FBXL17: variants seen among roughly 807,000 people sequenced by gnomAD.
FBXL17 encodes F-box/LRR-repeat protein 17.
FBXL17 carries 22 observed loss-of-function variants against 66.2 expected under a neutral mutation model. The observed-to-expected ratio is 0.33, with a 90% confidence interval of 0.24 to 0.47. FBXL17 has a LOEUF of 0.47. FBXL17 is among the 20% of genes least tolerant of loss of function. The pLI is 1.00. For missense variants in FBXL17, 878 were observed against 948.2 expected, an observed-to-expected ratio of 0.93 and a Z score of 0.97; for synonymous variants, 474 against 400.5, an observed-to-expected ratio of 1.18 and a Z score of -2.19.
At chr5:108,346,249 C>A (rs1208120783) in intron 4 of FBXL17, among the ~76,000 whole-genome samples, 1 of 151,790 alleles carries the variant, frequency 6.6e-6, no homozygotes, top group Admixed American at 6.6e-5. Context: ...TTGTAATAAA[C>A]TTAAATGGGA....
intron 8 of FBXL17, among the ~76,000 whole-genome samples, chr5:107,865,552 T>C (rs1036141095): frequency 6.6e-6 from 1 of 152,210 alleles, no homozygotes; most frequent in African/African-American, 2.4e-5. Context: ...CTGGCTTTCA[T>C]AGGTTTGGGG....
chr5:107,911,979 C>G (rs2087644282), intron 7 of FBXL17, among the ~76,000 whole-genome samples: 1 of 152,038 alleles, frequency 6.6e-6, no homozygotes, highest in Non-Finnish European at 1.5e-5. Context: ...GGACCTTTAT[C>G]ATTGGACAGA....
rs1580897164 is a variant in FBXL17 at position 108,364,969 on chromosome 5, A to G, written c.1143T>C (p.Ile381=). 6.2e-7 allele frequency: 1 copy of G among 1,610,652 alleles called. No homozygotes were observed. The highest frequency in any genetic ancestry group is 8.5e-7 in the Non-Finnish European group (1 of 1,177,626). The part of the protein sequence containing the change: ...QQVTDELLEK[I]ASRSQNIIEI... ...CAATTATATTCTGACTTCTTGATGC[A>G]ATTTTTTCCAACAATTCATCAGTGA... Residue 381 remains isoleucine (I), a synonymous_variant, in exon 3 of 9, where the codon ATT becomes ATC. Transcript: ENST00000542267.
chr5:107,882,762 G>A (rs1308048430), intron 7 of FBXL17, among the ~76,000 whole-genome samples: 1 of 152,076 alleles, frequency 6.6e-6, no homozygotes, highest in Non-Finnish European at 1.5e-5. Context: ...AATGAAGTAG[G>A]GGATACATAA....
At chr5:108,126,264 G>C (rs760517835) in intron 6 of FBXL17, among the ~76,000 whole-genome samples, 1 of 152,042 alleles carries the variant, frequency 6.6e-6, no homozygotes, top group Non-Finnish European at 1.5e-5. Context: ...TGGCATATGA[G>C]ACATCGGTCC....
intron 6 of FBXL17, among the ~76,000 whole-genome samples, chr5:108,107,253 G>A (rs766548266): frequency 1.3e-5 from 2 of 151,754 alleles, no homozygotes; most frequent in Non-Finnish European, 2.9e-5. Flanking sequence ...TGTATTTTTA[G>A]TAGAGACAGA....
intron 6 of FBXL17, among the ~76,000 whole-genome samples, chr5:108,065,063 T>C (rs924081270): frequency 3.3e-5 from 5 of 152,198 alleles, no homozygotes; most frequent in African/African-American, 1.2e-4. Flanking sequence ...GCTCAGTTTC[T>C]TTCCTTGGAG....
At chr5:107,873,766 A>G (rs1748528742) in intron 8 of FBXL17, among the ~76,000 whole-genome samples, 1 of 152,216 alleles carries the variant, frequency 6.6e-6, no homozygotes, top group Non-Finnish European at 1.5e-5. Flanking sequence ...CTCTCATATA[A>G]TTACTGAAAC....
chr5:107,872,296 C>T (rs558558794), intron 8 of FBXL17, among the ~76,000 whole-genome samples: 3 of 152,330 alleles, frequency 2.0e-5, no homozygotes, highest in Non-Finnish European at 2.9e-5. Flanking sequence ...GGGCTTGCAG[C>T]TGCCGTCACA....
Position 107,965,088 on chromosome 5 carries a change from G to C in FBXL17, c.1822+55837C>G, listed in dbSNP as rs144366006. 4.3e-4 allele frequency among the ~76,000 whole-genome samples: 65 copies of C among 152,164 alleles called. No individual in the cohort carries two copies. The East Asian group carries it at 8.3e-3, about 19-fold the overall frequency. On this transcript the variant is annotated intron_variant, in intron 7 of 8. Transcript: ENST00000542267. ...TATTGTACTTGCTTATTAGAAATCT[G>C]GCTATTTTGCTCAACATTTGATGCA...
chr5:108,081,779 G>A (rs529848486), intron 6 of FBXL17, among the ~76,000 whole-genome samples: 2 of 152,172 alleles, frequency 1.3e-5, no homozygotes, highest in South Asian at 2.1e-4. Flanking sequence ...ACAACCACAT[G>A]TTCAAATATT....
intron 7 of FBXL17, among the ~76,000 whole-genome samples, chr5:107,964,090 T>C (rs550044694): frequency 6.6e-6 from 1 of 152,314 alleles, no homozygotes; most frequent in Non-Finnish European, 1.5e-5. Flanking sequence ...AGATTTATTA[T>C]GGTTCCACTC....
At chr5:108,064,180 A>G (rs1748030237) in intron 6 of FBXL17, among the ~76,000 whole-genome samples, 1 of 152,160 alleles carries the variant, frequency 6.6e-6, no homozygotes, top group South Asian at 2.1e-4. Flanking sequence ...TATTGCAGGC[A>G]CACCTATATT....
intron 7 of FBXL17, among the ~76,000 whole-genome samples, chr5:108,008,039 G>C (rs911956732): frequency 1.3e-5 from 2 of 152,136 alleles, no homozygotes; most frequent in African/African-American, 2.4e-5. Context: ...GAAATGTGGG[G>C]GGAATATGCA....
intron 6 of FBXL17, among the ~76,000 whole-genome samples, chr5:108,170,912 TAAGG>T (rs1752585149): frequency 6.6e-6 from 1 of 152,214 alleles, no homozygotes; most frequent in South Asian, 2.1e-4. Context: ...ACAACTATTC[TAAGG>T]AAGGGTCTTC....
chr5:108,072,004 G>T (rs1748353035), intron 6 of FBXL17, among the ~76,000 whole-genome samples: 1 of 152,090 alleles, frequency 6.6e-6, no homozygotes, highest in African/African-American at 2.4e-5. Context: ...CTTCTGGATT[G>T]TTTCTTAGTT....
At chr5:108,126,050 T>A (rs1750684168) in intron 6 of FBXL17, among the ~76,000 whole-genome samples, 1 of 152,124 alleles carries the variant, frequency 6.6e-6, no homozygotes, top group African/African-American at 2.4e-5. Flanking sequence ...GGAATGGGGC[T>A]TTTGAGAATT....
intron 1 of FBXL17, among the ~76,000 whole-genome samples, chr5:108,369,078 C>T (rs1357746778): frequency 6.6e-6 from 1 of 152,146 alleles, no homozygotes; most frequent in Non-Finnish European, 1.5e-5. Flanking sequence ...ACAGACAGAA[C>T]TCCATCATCC....
At chr5:107,988,754 A>C (rs1173825634) in intron 7 of FBXL17, among the ~76,000 whole-genome samples, 4 of 152,052 alleles carry the variant, frequency 2.6e-5, no homozygotes, top group Admixed American at 6.5e-5. Flanking sequence ...TCCATTAATT[A>C]AAAGTGAATA....
Sources: allele counts gnomAD v4.1 joint callset (sites outside exome capture counted in the v4.1 genomes callset), GRCh38; gene constraint gnomAD v4.1.1; transcripts MANE v1.5; gene names NCBI Gene and HGNC (gene_info 2026-07-23, HGNC 2026-07-21).